The following PRKN variants were observed in gnomAD, a reference collection of about 807,000 sequenced individuals.
PRKN encodes the protein E3 ubiquitin-protein ligase parkin.
In PRKN, 56 loss-of-function variants were observed where a neutral mutation model predicts 59.5. The observed-to-expected ratio is 0.94, with a 90% CI of 0.76 to 1.18. PRKN has a LOEUF of 1.18. Ranked by LOEUF, PRKN falls within the 50% of genes most tolerant of loss-of-function variation. The pLI is 0.00. For missense variants in PRKN, 657 were observed against 596.4 expected (o/e 1.10, Z -1.06); for synonymous variants, 250 against 222.1 (o/e 1.13, Z -1.12).
At chr6:162,203,800 C>T (rs1216386357) in intron 3 of PRKN, among the ~76,000 whole-genome samples, 1 of 152,166 alleles carries the variant, frequency 6.6e-6, no homozygotes, top group African/African-American at 2.4e-5. Context: ...CTCTCCTAAT[C>T]AACTCTTCTG....
At chr6:161,510,144 G>A (rs534394000) in intron 9 of PRKN, among the ~76,000 whole-genome samples, 7 of 152,250 alleles carry the variant, frequency 4.6e-5, no homozygotes, top group Admixed American at 3.3e-4. Flanking sequence ...TTATAAAATT[G>A]TGTTTTAAGA....
chr6:162,170,824 T>A (rs1264759846), intron 4 of PRKN, among the ~76,000 whole-genome samples: 1 of 152,128 alleles, frequency 6.6e-6, no homozygotes, highest in Non-Finnish European at 1.5e-5. Context: ...CAGGGTGGTT[T>A]AAAAGGTAAG....
chr6:161,628,974 T>C (rs1026109458), intron 7 of PRKN, among the ~76,000 whole-genome samples: 1 of 152,178 alleles, frequency 6.6e-6, no homozygotes, highest in South Asian at 2.1e-4. Context: ...AATTGATATC[T>C]TGTAAGTGGG....
intron 1 of PRKN, among the ~76,000 whole-genome samples, chr6:162,547,653 T>C (rs1026428347): frequency 2.0e-5 from 3 of 152,156 alleles, no homozygotes; most frequent in African/African-American, 7.2e-5. Flanking sequence ...CAATCTCAGC[T>C]CACTGCAACC....
At chr6:162,013,863 ATTTCCT>A (rs1331041585) in intron 5 of PRKN, among the ~76,000 whole-genome samples, 1 of 152,150 alleles carries the variant, frequency 6.6e-6, no homozygotes, top group Admixed American at 6.5e-5. Context: ...TTATTTGGAA[ATTTCCT>A]TTTCCCTTTC....
chr6:162,241,336 A>G (rs1778983705), intron 3 of PRKN, among the ~76,000 whole-genome samples: 1 of 152,184 alleles, frequency 6.6e-6, no homozygotes, highest in African/African-American at 2.4e-5. Context: ...CGCAAACAGT[A>G]TTTGAGAAAT....
At chr6:161,679,501 G>A (rs959365291) in intron 7 of PRKN, among the ~76,000 whole-genome samples, 3 of 150,554 alleles carry the variant, frequency 2.0e-5, no homozygotes, top group African/African-American at 7.3e-5. Context: ...CTCCACCACA[G>A]CCTCGGAAGG....
chr6:162,086,016 GA>G (rs1779232953), intron 4 of PRKN, among the ~76,000 whole-genome samples: 1 of 152,114 alleles, frequency 6.6e-6, no homozygotes, highest in African/African-American at 2.4e-5. Flanking sequence ...TTAAGGCTTT[GA>G]AATCTCCCCA....
At chr6:161,975,234 C>T (rs1306688304) in intron 5 of PRKN, among the ~76,000 whole-genome samples, 5 of 151,808 alleles carry the variant, frequency 3.3e-5, no homozygotes, top group Admixed American at 1.3e-4. Flanking sequence ...TACAGGTGCC[C>T]GCCACCACGC....
chr6:161,545,509 G>T lies in PRKN; in HGVS notation c.1083+3345C>A. ...ATGTATTTGGCCATGTTCTACTTCT[G>T]AAATGACATAATCTAACCACAATTT... On this transcript the variant is annotated intron_variant, in intron 9 of 11. Transcript: ENST00000366898. This position sits in a 1 kb window ranked among gnomAD's most constrained non-coding sequence, Gnocchi z 4.1. 9.1e-7 allele frequency: 1 copy of T among 1,100,606 alleles called. No individual in the cohort carries two copies. Among genetic ancestry groups the T allele is most frequent in the Non-Finnish European group, 1.4e-6 (1 of 721,298 alleles). 68.2% of individuals were successfully genotyped at this position (1,100,606 alleles called of 1,614,324 possible).
Position 162,163,723 on chromosome 6 carries a change from C to G in PRKN, c.534+37408G>C, listed in dbSNP as rs1322806915. On this transcript the variant is annotated intron_variant, in intron 4 of 11. Transcript: ENST00000366898. Reference sequence around the variant, plus strand: ...ATGCCTCTATAAAGCAAAGTTCCGTCCAACAGGGCTGTCAGAGGGGAACAT... The same window carrying G: ...ATGCCTCTATAAAGCAAAGTTCCGTGCAACAGGGCTGTCAGAGGGGAACAT... Among the ~76,000 whole-genome samples the G allele has an allele frequency of 3.4e-5, 5 of 149,104 alleles. 1 individual carries two copies. The highest frequency in any genetic ancestry group is 7.4e-5 in the Non-Finnish European group (5 of 67,446).
In PRKN at chr6:161,352,095, G is replaced by A. The variant is rs1366519359; in HGVS notation, c.1286-1884C>T. ...AATTTCCTGGAAAACCCCGGCAAAC[G>A]CAGTTTCTTTGCTTGAATCCCACCT... On this transcript the variant is annotated intron_variant, in intron 11 of 11. Coordinates refer to ENST00000366898, the MANE Select transcript of PRKN (RefSeq NM_004562.3). This position sits in a 1 kb window ranked among gnomAD's most constrained non-coding sequence, Gnocchi z 5.8. Among the ~76,000 whole-genome samples, 2 of 152,266 alleles carry A rather than the reference G, an allele frequency of 1.3e-5. No individual in the cohort carries two copies. Among genetic ancestry groups the A allele is most frequent in the African/African-American group, 4.8e-5 (2 of 41,552 alleles).
chr6:162,234,178 G>A (rs190875465), intron 3 of PRKN, among the ~76,000 whole-genome samples: 6 of 152,220 alleles, frequency 3.9e-5, no homozygotes. Context: ...ACAGGTACAC[G>A]ACAATTTGCA....
At chr6:161,912,215 T>G (rs1383104803) in intron 6 of PRKN, among the ~76,000 whole-genome samples, 3 of 151,404 alleles carry the variant, frequency 2.0e-5, no homozygotes, top group Non-Finnish European at 4.4e-5. Flanking sequence ...AAAAATTTTC[T>G]AAGATTGCAC....
At chr6:161,752,593 T>TGAGGTGGGAGGTGG (rs1220771351) in intron 7 of PRKN, among the ~76,000 whole-genome samples, 1 of 152,148 alleles carries the variant, frequency 6.6e-6, no homozygotes, top group Middle Eastern at 3.4e-3. Flanking sequence ...CTCAGGAGGC[T>TGAGGTGGGAGGTGG]GAGGTGGGAG....
At chr6:161,595,771 A>G (rs1781892044) in intron 7 of PRKN, among the ~76,000 whole-genome samples, 1 of 152,196 alleles carries the variant, frequency 6.6e-6, no homozygotes. Context: ...ACTATGCCAC[A>G]GGGTTGATCA....
At chr6:162,312,174 G>C (rs7761333) in intron 2 of PRKN, among the ~76,000 whole-genome samples, 18,830 of 152,102 alleles carry the variant, frequency 0.12, 2,494 homozygotes, top group African/African-American at 0.34. Context: ...TCCCCTGCCA[G>C]AGCAGGTTCA....
At chr6:161,716,790 G>A (rs1368818187) in intron 7 of PRKN, among the ~76,000 whole-genome samples, 1 of 152,184 alleles carries the variant, frequency 6.6e-6, no homozygotes, top group Non-Finnish European at 1.5e-5. Flanking sequence ...GAGGTGAAGT[G>A]GCCCCCAAGG....
intron 1 of PRKN, among the ~76,000 whole-genome samples, chr6:162,514,525 C>G (rs1354038864): frequency 6.6e-6 from 1 of 152,180 alleles, no homozygotes; most frequent in African/African-American, 2.4e-5. Context: ...CTTCTCCTCA[C>G]TTGGTGATTT....
Sources: gnomAD v4.1 joint callset for allele counts (sites outside exome capture counted in the v4.1 genomes callset) on GRCh38, gnomAD v4.1.1 for gene constraint, Gnocchi (gnomAD v3.1) non-coding constraint, MANE v1.5 for transcripts, NCBI Gene and HGNC (gene_info 2026-07-23, HGNC 2026-07-21) for gene names.